The following RUFY2 variants were observed in gnomAD, a reference collection of about 807,000 sequenced individuals.
The protein encoded by RUFY2 is RUN and FYVE domain-containing protein 2.
In RUFY2, 49 loss-of-function variants were observed where a neutral mutation model predicts 94.4. That is an observed-to-expected ratio of 0.52 (90% CI 0.41 to 0.66). The LOEUF (loss-of-function observed/expected upper bound fraction) is 0.66. Ranked by LOEUF, RUFY2 falls within the 30% of genes least tolerant of loss-of-function variation. The pLI is 0.00. For synonymous variants in RUFY2, 255 were observed against 235.7 expected (o/e 1.08, Z -0.75); for missense variants, 541 against 692.8 (o/e 0.78, Z 2.46).
At chr10:68,395,828 A>C (rs1275139566) in intron 4 of RUFY2, among the ~76,000 whole-genome samples, 1 of 152,210 alleles carries the variant, frequency 6.6e-6, no homozygotes, top group Non-Finnish European at 1.5e-5. Context: ...GGAAAACCAC[A>C]ATGTAAAACC....
chr10:68,371,335 T>C (rs561476335), intron 13 of RUFY2, among the ~76,000 whole-genome samples: 4 of 151,660 alleles, frequency 2.6e-5, no homozygotes, highest in African/African-American at 9.7e-5. Context: ...GGCAGGAGAA[T>C]CGCTTGAATC....
At chr10:68,366,760 A>ATAT (rs779328580) in intron 13 of RUFY2, among the ~76,000 whole-genome samples, 2 of 123,236 alleles carry the variant, frequency 1.6e-5, no homozygotes, top group South Asian at 3.1e-4. Context: ...ATATATATAT[A>ATAT]ATATTAAATA....
At chr10:68,371,041 A>T (rs2048234206) in intron 13 of RUFY2, among the ~76,000 whole-genome samples, 1 of 151,162 alleles carries the variant, frequency 6.6e-6, no homozygotes, top group Admixed American at 6.6e-5. Flanking sequence ...CTAAGGCAGG[A>T]GAATGGAGTG....
chr10:68,390,239 G>GA (rs2049874219), intron 7 of RUFY2, among the ~76,000 whole-genome samples: 1 of 152,052 alleles, frequency 6.6e-6, no homozygotes, highest in African/African-American at 2.4e-5. Context: ...TACTTTAGAG[G>GA]AAAAGCAAGA....
chr10:68,341,318 T>TGTC, downstream of RUFY2: 2 of 1,596,628 alleles, frequency 1.3e-6, no homozygotes, highest in Non-Finnish European at 1.7e-6. Context: ...GCGTAAGTGG[T>TGTC]GTCTTTGGCA....
intron 15 of RUFY2, among the ~76,000 whole-genome samples, chr10:68,361,268 A>G (rs1303461435): frequency 6.6e-6 from 1 of 152,138 alleles, no homozygotes; most frequent in Admixed American, 6.6e-5. Flanking sequence ...AACAAGAGCG[A>G]AACTTCCTCT....
At chr10:68,350,912 T>C (rs1325131162) in intron 16 of RUFY2, among the ~76,000 whole-genome samples, 1 of 151,816 alleles carries the variant, frequency 6.6e-6, no homozygotes, top group Non-Finnish European at 1.5e-5. Flanking sequence ...GGTTTCTCCA[T>C]GTTGGTCAGG....
chr10:68,364,371 TAAATATTGCA>T, intron 13 of RUFY2, among the ~76,000 whole-genome samples: 1 of 152,158 alleles, frequency 6.6e-6, no homozygotes, highest in Non-Finnish European at 1.5e-5. Context: ...TTCATATACA[TAAATATTGCA>T]TAAGCATAGA....
In RUFY2 at chr10:68,383,926, A is replaced by G. The variant is rs2132845803; in HGVS notation, c.823-12T>C. On this transcript the variant is annotated splice_polypyrimidine_tract_variant and intron_variant, in intron 9 of 17. Transcript: ENST00000602465. ...TCTACTTTGGTAACCTAGGAAGAAA[A>G]CAAAATTTTTCATTCTATAATCACT... The G allele has an allele frequency of 1.2e-6, 2 of 1,605,996 alleles. No homozygotes were observed. Among genetic ancestry groups the G allele is most frequent in the South Asian group, 1.1e-5 (1 of 90,742 alleles).
chr10:68,364,077 T>G lies in RUFY2; in HGVS notation c.1362A>C (p.Glu454Asp), dbSNP rs751889597. 1.9e-6 allele frequency: 3 copies of G among 1,613,464 alleles called. No homozygotes were observed. Among genetic ancestry groups the G allele is most frequent in the Non-Finnish European group, 2.5e-6 (3 of 1,179,634 alleles). ...QLETDLKIEKEWRQTLQEDLQ... is the reference protein window; with the variant it reads ...QLETDLKIEKDWRQTLQEDLQ... The stretch of plus-strand genomic sequence containing the variant: ...GATCTTCCTGCAAAGTCTGCCTCCA[T>G]TCCTTCTCAATCTTCAAGTCAGTTT... Residue 454 changes from glutamate (E) to aspartate (D), a missense_variant, in exon 14 of 18, where the codon GAA (glutamate) becomes GAC (aspartate). Physicochemically the swap from Glu to Asp is conservative, Grantham distance 45. Transcript: ENST00000602465.
chr10:68,355,320 T>C (rs549691108), intron 16 of RUFY2, 33 bp downstream of exon 16: 1 of 1,537,802 alleles, frequency 6.5e-7, no homozygotes, highest in African/African-American at 1.4e-5. Flanking sequence ...GACTTTCACA[T>C]ACCTTCCCAC....
rs1472464196 is a variant in RUFY2, at chr10:68,343,610, C to T, written c.*2158G>A. The T allele has an allele frequency of 1.3e-5, 2 of 152,112 alleles. No homozygotes were observed. Among genetic ancestry groups the T allele is most frequent in the Non-Finnish European group, 2.9e-5 (2 of 67,890 alleles). 9.4% of individuals were successfully genotyped at this position (152,112 alleles called of 1,614,324 possible). On this transcript the variant is annotated 3_prime_UTR_variant, in exon 18 of 18. Transcript: ENST00000602465. ...GAATTACAATTGTAATTCCCTGGCA[C>T]CATGATAGCATTATTGTGGTAGTAC...
At chr10:68,362,729 G>A (rs972417420) in intron 15 of RUFY2, among the ~76,000 whole-genome samples, 1 of 151,972 alleles carries the variant, frequency 6.6e-6, no homozygotes, top group Admixed American at 6.6e-5. Flanking sequence ...GGTCAAGGCT[G>A]CAGTGAGTTA....
chr10:68,377,991 T>C (rs577938685), intron 12 of RUFY2: 48 of 985,304 alleles, frequency 4.9e-5, no homozygotes, highest in Non-Finnish European at 5.5e-5. Context: ...GGTGCTGGGA[T>C]TGGACCCAAG....
chr10:68,384,200 A>G, intron 8 of RUFY2, 48 bp from the exon 9 acceptor site: 1 of 1,550,762 alleles, frequency 6.4e-7, no homozygotes, highest in Non-Finnish European at 8.7e-7. Flanking sequence ...ACACCCTTAT[A>G]CTTGCTTTGC....
intron 1 of RUFY2, chr10:68,405,686 G>T (rs986253412): frequency 8.1e-6 from 8 of 981,816 alleles, no homozygotes; most frequent in African/African-American, 1.8e-5. Context: ...GGACACAGAA[G>T]AAGCCGTCCA....
At position 68,360,495 on chromosome 10, in the gene RUFY2, G is replaced by C. The variant is rs185452473; in HGVS notation, c.1550+3095C>G. 9.0e-3 allele frequency among the ~76,000 whole-genome samples: 1,370 copies of C among 152,080 alleles called. 11 individuals carry two copies. The highest frequency in any genetic ancestry group is 0.018 in the South Asian group (85 of 4,814). The stretch of plus-strand genomic sequence containing the variant: ...GCGGTGGCTCACGCCTGTAATCCCA[G>C]CACTTTGGGAGGCCGAGGCGGGCAG... On this transcript the variant is annotated intron_variant, in intron 15 of 17. Transcript: ENST00000602465.
chr10:68,383,537 T>TGGCG (rs2049255292), intron 10 of RUFY2, among the ~76,000 whole-genome samples: 1 of 151,774 alleles, frequency 6.6e-6, no homozygotes, highest in African/African-American at 2.4e-5. Context: ...CAAGAATCAC[T>TGGCG]TGAACCCGGG....
rs1387203004 is a variant in RUFY2 at position 68,396,675 on chromosome 10, T to G, written c.398+105A>C. The G allele has an allele frequency of 7.7e-6, 5 of 647,354 alleles. No homozygotes were observed. The East Asian group carries it at 1.1e-4, about 15-fold the overall frequency. 40.1% of individuals were successfully genotyped at this position (647,354 alleles called of 1,614,324 possible). A position where few individuals can be genotyped will look rare whatever the true frequency, so the allele number is the denominator to read the frequency against. On this transcript the variant is annotated intron_variant, in intron 4 of 17. Transcript: ENST00000602465. Reference sequence around the variant, plus strand: ...GCTCCTCCTCTTATTTTATATCATTTTATTATATGTTATATATCCTTTCAT... The same window carrying G: ...GCTCCTCCTCTTATTTTATATCATTGTATTATATGTTATATATCCTTTCAT...
Sources: allele counts gnomAD v4.1 joint callset (sites outside exome capture counted in the v4.1 genomes callset), GRCh38; gene constraint gnomAD v4.1.1; transcripts MANE v1.5; gene names NCBI Gene and HGNC (gene_info 2026-07-23, HGNC 2026-07-21).